The following ENO4 variants were observed in gnomAD, a reference collection of about 807,000 sequenced individuals.
The protein encoded by ENO4 is enolase 4.
A neutral mutation model predicts 63.2 loss-of-function variants in ENO4; 53 were observed. The ratio of observed to expected loss-of-function variants is 0.84; its 90% CI spans 0.67 to 1.05. The LOEUF is 1.05. Among genes scored for constraint, ENO4 ranks in the 50% least tolerant of loss-of-function variants. The pLI, the probability that ENO4 is intolerant of heterozygous loss-of-function variation, is 0.00. For missense variants in ENO4, 719 were observed against 772.0 expected (o/e 0.93, Z 0.81); for synonymous variants, 266 against 283.8 (o/e 0.94, Z 0.63).
At chr10:116,852,491 G>C (rs1455821502) in intron 1 of ENO4, among the ~76,000 whole-genome samples, 3 of 152,124 alleles carry the variant, frequency 2.0e-5, no homozygotes, top group Non-Finnish European at 4.4e-5. Flanking sequence ...TACACTGATG[G>C]TCCTCCAAGA....
intron 1 of ENO4, among the ~76,000 whole-genome samples, chr10:116,852,267 A>G (rs1846111660): frequency 6.6e-6 from 1 of 152,194 alleles, no homozygotes; most frequent in African/African-American, 2.4e-5. Context: ...TCTTTCCTTT[A>G]TAAATTACCC....
chr10:116,849,801 TTGCGCC>T lies in ENO4; in HGVS notation c.165+84_165+89del, dbSNP rs762876769. 7.9e-4 allele frequency: 1,135 copies of T among 1,431,668 alleles called. 1 individual carries two copies. Among genetic ancestry groups the T allele is most frequent in the Non-Finnish European group, 9.8e-4 (1,050 of 1,075,962 alleles). 88.7% of individuals were successfully genotyped at this position (1,431,668 alleles called of 1,614,324 possible). A position where few individuals can be genotyped will look rare whatever the true frequency, so the allele number is the denominator to read the frequency against. On this transcript the variant is annotated intron_variant, in intron 1 of 13. Coordinates refer to ENST00000341276, the MANE Select transcript of ENO4 (RefSeq NM_001242699.2). ...CCCCGCCCCGCGCTGCGGCAACGCC[TTGCGCC>T]TGCGCCTGCGCCTCAGAATCTCGCA...
At position 116,849,722 on chromosome 10, in the gene ENO4, C is replaced by T. The variant is rs1484920478; in HGVS notation, c.156C>T (p.Tyr52=). The T allele has an allele frequency of 4.6e-6, 7 of 1,523,174 alleles. No individual in the cohort carries two copies. Among genetic ancestry groups the T allele is most frequent in the Non-Finnish European group, 5.3e-6 (6 of 1,133,090 alleles). The allele number at this position is 1,523,174 out of a possible 1,614,324, so 94.4% of individuals were successfully genotyped here. The change falls in exon 1 of 14, where the codon TAC becomes TAT. Residue 52 remains tyrosine, a synonymous_variant. Transcript: ENST00000341276. The part of the protein sequence containing the change: ...STFYLQPADV[Y]GHLANCFSKL... ...TCTACCTCCAGCCTGCCGACGTCTACGGGCACCTGGTAGGGACCTGGGACA... is the reference window on the plus strand; with the variant it reads ...TCTACCTCCAGCCTGCCGACGTCTATGGGCACCTGGTAGGGACCTGGGACA...
exon 11 of ENO4, chr10:116,911,652 T>C (rs1848202994): frequency 6.4e-7 from 1 of 1,566,204 alleles, no homozygotes; most frequent in Non-Finnish European, 8.7e-7. Flanking sequence ...GTAAGCACGA[T>C]CAAATAAACT....
At chr10:116,874,298 A>G in intron 10 of ENO4, 97 bp downstream of exon 10, 1 of 992,532 alleles carries the variant, frequency 1.0e-6, no homozygotes. Flanking sequence ...TTTTATATTT[A>G]TAACAAAACA....
At chr10:116,885,485 ACAG>A (rs1271610065), downstream of ENO4, 11 of 152,722 alleles carry the variant, frequency 7.2e-5, no homozygotes, top group Admixed American at 5.9e-4. Flanking sequence ...GTAATATAGA[ACAG>A]CAGTGAAGCA....
chr10:116,870,575 G>A lies in ENO4; in HGVS notation c.1048-550G>A, dbSNP rs188847563. On this transcript the variant is annotated intron_variant, in intron 8 of 13. Coordinates refer to ENST00000341276, the MANE Select transcript of ENO4 (RefSeq NM_001242699.2). ...AGGATGACTTCAGCCTGGGGAAGTC[G>A]AGGCTGCAGAGCCACGTTCAAGCCA... is the stretch of plus-strand genomic sequence containing the variant. Among the ~76,000 whole-genome samples the A allele has an allele frequency of 3.2e-3, 491 of 152,284 alleles. 1 individual carries two copies. The highest frequency in any genetic ancestry group is 4.4e-3 in the Non-Finnish European group (298 of 68,028).
At chr10:116,881,026 G>T (rs543781936) in intron 13 of ENO4, among the ~76,000 whole-genome samples, 1 of 152,200 alleles carries the variant, frequency 6.6e-6, no homozygotes, top group African/African-American at 2.4e-5. Context: ...ACTATTAAAG[G>T]GACCAAAAAC....
downstream of ENO4, chr10:116,884,050 C>T: frequency 3.2e-6 from 1 of 311,626 alleles, no homozygotes; most frequent in South Asian, 2.6e-5. Flanking sequence ...CTATAGCGCA[C>T]AAGACTTAAT....
intron 9 of ENO4, 141 bp downstream of exon 9, chr10:116,871,433 TATA>T (rs1418747155): frequency 1.0e-5 from 8 of 800,190 alleles, no homozygotes; most frequent in African/African-American, 3.4e-5. Context: ...AGGATCCAAA[TATA>T]ATGAGAAAAC....
At chr10:116,911,982 T>C (rs1411395893), downstream of ENO4, 1 of 662,524 alleles carries the variant, frequency 1.5e-6, no homozygotes. Flanking sequence ...TAGGACTATG[T>C]CTTAAGGTTA....
intron 9 of ENO4, among the ~76,000 whole-genome samples, chr10:116,873,269 A>G (rs1846745850): frequency 6.6e-6 from 1 of 152,176 alleles, no homozygotes; most frequent in African/African-American, 2.4e-5. Context: ...GCTTAATTCC[A>G]ATGGAATCCA....
At chr10:116,855,293 T>C (rs940308759) in intron 1 of ENO4, among the ~76,000 whole-genome samples, 4 of 152,130 alleles carry the variant, frequency 2.6e-5, no homozygotes, top group African/African-American at 9.7e-5. Context: ...CCGTCTCTGT[T>C]GAAGAAGGCC....
intron 10 of ENO4, among the ~76,000 whole-genome samples, chr10:116,899,112 T>A (rs1201605684): frequency 6.6e-6 from 1 of 152,216 alleles, no homozygotes; most frequent in Admixed American, 6.5e-5. Flanking sequence ...GCAGGAATTG[T>A]TCCATGTGTG....
At chr10:116,868,984 C>T (rs904947366) in intron 8 of ENO4, among the ~76,000 whole-genome samples, 1 of 152,124 alleles carries the variant, frequency 6.6e-6, no homozygotes, top group African/African-American at 2.4e-5. Context: ...ACACTGGACC[C>T]TATAGGGGAA....
At chr10:116,882,889 A>G (rs1847058904), downstream of ENO4, 1 of 152,082 alleles carries the variant, frequency 6.6e-6, no homozygotes. Context: ...GCAACAAGCA[A>G]CGGGTAGGAG....
intron 10 of ENO4, chr10:116,901,732 A>C: frequency 6.5e-7 from 1 of 1,535,914 alleles, no homozygotes. Flanking sequence ...AGATTCTTCT[A>C]TACACCACTT....
intron 8 of ENO4, among the ~76,000 whole-genome samples, chr10:116,870,764 G>A (rs894189944): frequency 6.6e-6 from 1 of 152,202 alleles, no homozygotes; most frequent in Non-Finnish European, 1.5e-5. Context: ...CAGAGCTAGA[G>A]ACAGACAGGG....
chr10:116,853,290 G>A lies in ENO4; in HGVS notation c.166-2333G>A, dbSNP rs11815792. 6.2e-3 allele frequency among the ~76,000 whole-genome samples: 535 copies of A among 85,886 alleles called. 1 individual carries two copies. Among genetic ancestry groups the A allele is most frequent in the African/African-American group, 0.022 (509 of 23,660 alleles). The allele number at this position is 85,886 out of a possible 152,430, so 56.3% of individuals were successfully genotyped here. ...AGCCTGGGTGACAGAGTGAGACTCCGTCTCAAAAAAAAAAAAAAAAAAAAC... is the reference window on the plus strand; with the variant it reads ...AGCCTGGGTGACAGAGTGAGACTCCATCTCAAAAAAAAAAAAAAAAAAAAC... On this transcript the variant is annotated intron_variant, in intron 1 of 13. Transcript: ENST00000341276.
Sources: gnomAD v4.1 joint callset for allele counts (sites outside exome capture counted in the v4.1 genomes callset) on GRCh38, gnomAD v4.1.1 for gene constraint, MANE v1.5 for transcripts, NCBI Gene and HGNC (gene_info 2026-07-23, HGNC 2026-07-21) for gene names.